Variants in BCAT1 observed in about 807,000 individuals in gnomAD.
The protein encoded by BCAT1 is branched chain amino acid transaminase 1.
Under a neutral mutation model 52.4 loss-of-function variants are expected in BCAT1, and 48 were observed. The ratio of observed to expected loss-of-function variants is 0.92; its 90% confidence interval spans 0.73 to 1.16. The LOEUF is 1.16. Ranked by LOEUF, BCAT1 falls within the 50% of genes most tolerant of loss-of-function variation. BCAT1 has a pLI of 0.00. For missense variants in BCAT1, 451 were observed against 457.1 expected, an observed-to-expected ratio of 0.99 and a Z score of 0.12; for synonymous variants, 167 against 161.3, an observed-to-expected ratio of 1.04 and a Z score of -0.27.
intron 1 of BCAT1, among the ~76,000 whole-genome samples, chr12:24,921,773 C>T (rs1041422869): frequency 5.3e-5 from 8 of 152,180 alleles, no homozygotes; most frequent in African/African-American, 7.2e-5. Context: ...CCATTAGTCA[C>T]AACTTGATAA....
At chr12:24,948,034 G>A (rs1943960221) in intron 1 of BCAT1, among the ~76,000 whole-genome samples, 1 of 152,206 alleles carries the variant, frequency 6.6e-6, no homozygotes, top group Admixed American at 6.5e-5. Flanking sequence ...GTAGATAAGA[G>A]CAGTTGAGAA....
chr12:24,940,345 G>A (rs1270561541), intron 1 of BCAT1, among the ~76,000 whole-genome samples: 2 of 152,194 alleles, frequency 1.3e-5, no homozygotes, highest in Non-Finnish European at 2.9e-5. Flanking sequence ...TCAAGTGGTA[G>A]ACTAAAGTAC....
intron 2 of BCAT1, among the ~76,000 whole-genome samples, chr12:24,901,049 A>C (rs555233123): frequency 9.2e-5 from 14 of 152,370 alleles, no homozygotes; most frequent in African/African-American, 3.1e-4. Context: ...GTAGAGACCT[A>C]ATCTTGAATT....
chr12:24,945,382 T>C (rs1943921034), intron 1 of BCAT1: 1 of 152,218 alleles, frequency 6.6e-6, no homozygotes, highest in African/African-American at 2.4e-5. Context: ...GTGGCCTTAG[T>C]TGAATGGACA....
intron 2 of BCAT1, among the ~76,000 whole-genome samples, chr12:24,899,750 T>C (rs1943045359): frequency 6.6e-6 from 1 of 150,398 alleles, no homozygotes; most frequent in Admixed American, 6.6e-5. Flanking sequence ...TGGAAGTCAT[T>C]ATGGTAAGCG....
At chr12:24,878,793 C>T (rs955086684) in intron 4 of BCAT1, 144 bp from the exon 5 acceptor site, 2 of 758,824 alleles carry the variant, frequency 2.6e-6, no homozygotes, top group African/African-American at 1.8e-5. Context: ...GATGGATATC[C>T]TAATTATCCT....
Position 24,849,795 on chromosome 12 carries a change from T to C in BCAT1, c.665A>G (p.Lys222Arg). Residue 222 changes from lysine to arginine, a missense_variant, in exon 6 of 11, where the codon AAG becomes AGG. Transcript: ENST00000261192. ...ACACAGATTTACTTACCCTCCCATC[T>C]TGCAGTCCCCAGTTCCACCTTTCCA... The part of the protein sequence containing the change: ...RAWKGGTGDC[K>R]MGGNYGSSLF... 1 of 1,608,646 alleles carries C rather than the reference T, an allele frequency of 6.2e-7. No homozygotes were observed. Among genetic ancestry groups the C allele is most frequent in the Non-Finnish European group, 8.5e-7 (1 of 1,176,094 alleles).
At position 24,894,425 on chromosome 12, in the gene BCAT1, G is replaced by T. The variant is rs147537351; in HGVS notation, c.129C>A (p.Asp43Glu). The T allele has an allele frequency of 9.9e-5, 159 of 1,609,214 alleles. 1 individual carries two copies. The East Asian group carries it at 3.5e-3, about 36-fold the overall frequency. ...TPATILKEKP[D>E]PNNLVFGTVF... ...CAGTTCCAAAAACCAGATTATTGGG[G>T]TCTGGTTTTTCCTTTAAAATGGTAG... The change falls in exon 3 of 11, where the codon GAC becomes GAA. Residue 43 changes from aspartate to glutamate, a missense_variant. By Grantham distance (45) the Asp-to-Glu change is conservative (BLOSUM62 2). Coordinates refer to ENST00000261192, the MANE Select transcript of BCAT1 (RefSeq NM_005504.7).
At chr12:24,821,209 T>C (rs61523039) in intron 10 of BCAT1, among the ~76,000 whole-genome samples, 27,360 of 152,158 alleles carry the variant, frequency 0.18, 2,528 homozygotes, top group African/African-American at 0.2. Flanking sequence ...TAACCACTAA[T>C]AGTCATTTGT....
In BCAT1 at chr12:24,812,626, A is replaced by C. The variant is rs1939726150; in HGVS notation, c.*5382T>G. 1 of 152,096 alleles carries C rather than the reference A, an allele frequency of 6.6e-6. No individual in the cohort carries two copies. The highest frequency in any genetic ancestry group is 1.5e-5 in the Non-Finnish European group (1 of 67,930). 9.4% of individuals were successfully genotyped at this position (152,096 alleles called of 1,614,324 possible). ...TACATTGAAAGCTGAAGAAGATCTC[A>C]ATGCTTGACAGAATAAGGAAAAAGC... On this transcript the variant is annotated 3_prime_UTR_variant, in exon 11 of 11. Transcript: ENST00000261192.
intron 6 of BCAT1, among the ~76,000 whole-genome samples, 174 bp downstream of exon 6, chr12:24,849,612 T>C (rs1268145391): frequency 6.6e-6 from 1 of 152,194 alleles, no homozygotes; most frequent in Non-Finnish European, 1.5e-5. Flanking sequence ...TGCGTTTATA[T>C]AGGAAAAGCT....
chr12:24,933,230 A>G (rs773600705), intron 1 of BCAT1, among the ~76,000 whole-genome samples: 5 of 146,524 alleles, frequency 3.4e-5, no homozygotes, highest in Non-Finnish European at 7.4e-5. Flanking sequence ...CAGCCTCCCA[A>G]TGTGCCGAGA....
chr12:24,851,758 A>G (rs1389111915), intron 5 of BCAT1, among the ~76,000 whole-genome samples: 1 of 152,168 alleles, frequency 6.6e-6, no homozygotes, highest in Non-Finnish European at 1.5e-5. Context: ...TTTGGGTTTC[A>G]TTGTTTGGGA....
chr12:24,938,647 T>C (rs997108623), intron 1 of BCAT1, among the ~76,000 whole-genome samples: 28 of 152,204 alleles, frequency 1.8e-4, no homozygotes, highest in Non-Finnish European at 3.8e-4. Context: ...AGGTCTTCTA[T>C]GATTAGGGAA....
intron 1 of BCAT1, among the ~76,000 whole-genome samples, chr12:24,930,890 A>G (rs990321278): frequency 2.9e-5 from 4 of 139,094 alleles, no homozygotes; most frequent in Non-Finnish European, 6.1e-5. Context: ...TCAGTGGAAC[A>G]GGGCCCTTTT....
chr12:24,925,308 C>A (rs995140383), intron 1 of BCAT1, among the ~76,000 whole-genome samples: 5 of 152,260 alleles, frequency 3.3e-5, no homozygotes, highest in African/African-American at 1.2e-4. Flanking sequence ...CTCACGACTG[C>A]AACATCAACT....
intron 1 of BCAT1, among the ~76,000 whole-genome samples, chr12:24,917,784 A>C (rs1308012198): frequency 1.3e-5 from 2 of 152,228 alleles, no homozygotes; most frequent in African/African-American, 4.8e-5. Context: ...AATGTTACAA[A>C]GTTGTTCTGA....
chr12:24,836,400 T>C lies in BCAT1; in HGVS notation c.903+111A>G, dbSNP rs114761701. On this transcript the variant is annotated intron_variant, in intron 8 of 10. Coordinates refer to ENST00000261192, the MANE Select transcript of BCAT1 (RefSeq NM_005504.7). ...TTTCATTCACGTTAGAATTTAAAGATTAGATAACATTGGTTGGAACCACAG... is the reference window on the plus strand; with the variant it reads ...TTTCATTCACGTTAGAATTTAAAGACTAGATAACATTGGTTGGAACCACAG... 8.3e-4 allele frequency: 739 copies of C among 885,862 alleles called. 4 individuals are homozygous for C. The African/African-American group carries it at 0.011, about 14-fold the overall frequency. 54.9% of individuals were successfully genotyped at this position (885,862 alleles called of 1,614,324 possible).
In BCAT1 at chr12:24,810,430, TG is replaced by T. The variant is rs1939644270; in HGVS notation, c.*7577del. 1 of 152,224 alleles carries T rather than the reference TG, an allele frequency of 6.6e-6. No individual in the cohort carries two copies. The highest frequency in any genetic ancestry group is 1.9e-4 in the East Asian group (1 of 5,202). The allele number at this position is 152,224 out of a possible 1,614,324, so 9.4% of individuals were successfully genotyped here. ...AATTTGAAATATCCCCTTTTCTTTT[TG>T]TTTTGTACTAAATCAATGTAGAAAA... On this transcript the variant is annotated 3_prime_UTR_variant, in exon 11 of 11. Coordinates refer to ENST00000261192, the MANE Select transcript of BCAT1 (RefSeq NM_005504.7).
Sources: allele counts gnomAD v4.1 joint callset (sites outside exome capture counted in the v4.1 genomes callset), GRCh38; gene constraint gnomAD v4.1.1; transcripts MANE v1.5; gene names NCBI Gene and HGNC (gene_info 2026-07-23, HGNC 2026-07-21).